The following HCN2 variants were observed in gnomAD, a reference collection of about 807,000 sequenced individuals.
HCN2 encodes hyperpolarization activated cyclic nucleotide gated potassium and sodium channel 2, also known as potassium/sodium hyperpolarization-activated cyclic nucleotide-gated channel 2.
HCN2 carries 20 observed loss-of-function variants against 52.3 expected under a neutral mutation model. The ratio of observed to expected loss-of-function variants is 0.38; its 90% CI spans 0.27 to 0.56. HCN2 has a LOEUF of 0.56. HCN2 is among the 20% of genes least tolerant of loss of function. The probability of loss-of-function intolerance (pLI) is 0.71; values close to 1 mark genes in which losing one functional copy is unlikely to be tolerated. For missense variants in HCN2, 981 were observed against 1,207.7 expected (o/e 0.81, Z 2.78); for synonymous variants, 694 against 537.0 (o/e 1.29, Z -4.04).
At position 608,332 on chromosome 19, in the gene HCN2, G is replaced by T. The variant is rs574280838; in HGVS notation, c.1437+150G>T. 279 of 705,372 alleles carry T rather than the reference G, an allele frequency of 4.0e-4. 2 individuals carry two copies. Among genetic ancestry groups the T allele is most frequent in the African/African-American group, 2.4e-3 (138 of 56,334 alleles). 43.7% of individuals were successfully genotyped at this position (705,372 alleles called of 1,614,324 possible). A position where few individuals can be genotyped will look rare whatever the true frequency, so the allele number is the denominator to read the frequency against. On this transcript the variant is annotated intron_variant, in intron 4 of 7. Transcript: ENST00000251287. ...TGAGGCTGGAGGGAGGCCTTGCCCT[G>T]GGGTCTGAGGGCGGAGGTAGTCCTT... is the stretch of plus-strand genomic sequence containing the variant.
chr19:598,495 G>A (rs1048961383), intron 1 of HCN2, among the ~76,000 whole-genome samples: 3 of 151,946 alleles, frequency 2.0e-5, no homozygotes, highest in African/African-American at 4.8e-5. Context: ...TTGTAGAGAC[G>A]GGATCTCACT....
chr19:604,986 GC>G, intron 2 of HCN2, 74 bp from the exon 3 acceptor site: 1 of 1,475,568 alleles, frequency 6.8e-7, no homozygotes, highest in South Asian at 1.2e-5. Flanking sequence ...CGCAGTGGGG[GC>G]GCACGGGGCT....
At chr19:596,192 G>T (rs760812712) in intron 1 of HCN2, among the ~76,000 whole-genome samples, 2 of 152,258 alleles carry the variant, frequency 1.3e-5, no homozygotes, top group Admixed American at 6.5e-5. Context: ...TGAGCTCGGG[G>T]CAGGAGAATG....
chr19:602,065 C>A (rs1211294624), intron 1 of HCN2, among the ~76,000 whole-genome samples: 3 of 151,458 alleles, frequency 2.0e-5, no homozygotes, highest in African/African-American at 4.9e-5. Flanking sequence ...CTCTGCTTGG[C>A]TTCCCTCCCT....
intron 4 of HCN2, among the ~76,000 whole-genome samples, chr19:609,873 G>A (rs747621252): frequency 2.0e-5 from 3 of 152,154 alleles, no homozygotes; most frequent in Admixed American, 6.5e-5. Flanking sequence ...GCACTCCAGC[G>A]TGGGCCACAG....
chr19:606,628 G>T (rs1012767166), intron 3 of HCN2, among the ~76,000 whole-genome samples: 14 of 148,988 alleles, frequency 9.4e-5, no homozygotes, highest in East Asian at 6.2e-4. Context: ...TGAGGCAGGC[G>T]GATCACCTGA....
At chr19:596,517 C>T (rs1983035454) in intron 1 of HCN2, among the ~76,000 whole-genome samples, 2 of 152,344 alleles carry the variant, frequency 1.3e-5, no homozygotes, top group African/African-American at 2.4e-5. Flanking sequence ...CCCGCGTTTC[C>T]GAGGAAGGGG....
rs190179519 is a variant in HCN2 at position 596,373 on chromosome 19, C to T, written c.632+5796C>T. Among the ~76,000 whole-genome samples the T allele has an allele frequency of 1.7e-3, 252 of 152,170 alleles. 1 individual carries two copies. Among genetic ancestry groups the T allele is most frequent in the African/African-American group, 5.5e-3 (228 of 41,528 alleles). ...AGCCACTCTGGAGTGAGAGGGGGTCCGAGGCTTCTTCCGGTCCCCCAGGTG... is the reference window on the plus strand; with the variant it reads ...AGCCACTCTGGAGTGAGAGGGGGTCTGAGGCTTCTTCCGGTCCCCCAGGTG... On this transcript the variant is annotated intron_variant, in intron 1 of 7. Coordinates refer to ENST00000251287, the MANE Select transcript of HCN2 (RefSeq NM_001194.4).
At position 616,248 on chromosome 19, in the gene HCN2, G is replaced by GCGCGTCGCGCCCACTGTC; in HGVS notation, c.2448_2465dup (p.Arg818_Ser823dup). 1 of 1,008,906 alleles carries GCGCGTCGCGCCCACTGTC rather than the reference G, an allele frequency of 9.9e-7. No homozygotes were observed. The highest frequency in any genetic ancestry group is 1.2e-6 in the Non-Finnish European group (1 of 848,734). 62.5% of individuals were successfully genotyped at this position (1,008,906 alleles called of 1,614,324 possible). A position where few individuals can be genotyped will look rare whatever the true frequency, so the allele number is the denominator to read the frequency against. On this transcript the variant is annotated inframe_insertion, in exon 8 of 8. Transcript: ENST00000251287. Reference sequence around the variant, plus strand: ...GCCCTGCCCGCGCGCCGCCTGAGCCGCGCGTCGCGCCCACTGTCCGCCTCG... The same window carrying GCGCGTCGCGCCCACTGTC: ...GCCCTGCCCGCGCGCCGCCTGAGCCGCGCGTCGCGCCCACTGTCCGCGTCGCGCCCACTGTCCGCCTCG...
intron 1 of HCN2, among the ~76,000 whole-genome samples, chr19:595,018 T>C (rs1029980720): frequency 6.6e-6 from 1 of 151,502 alleles, no homozygotes; most frequent in East Asian, 1.9e-4. Context: ...CTGGGCAACA[T>C]AGCAAGACCC....
At chr19:613,768 T>C in intron 6 of HCN2, 84 bp from the exon 7 acceptor site, 2 of 1,348,122 alleles carry the variant, frequency 1.5e-6, no homozygotes, top group Non-Finnish European at 9.5e-7. Context: ...CTGGCCAAGG[T>C]GCAGAGGCCG....
At position 590,603 on chromosome 19, in the gene HCN2, G is replaced by C. The variant is rs761862454; in HGVS notation, c.632+26G>C. 7.3e-7 allele frequency: 1 copy of C among 1,361,464 alleles called. No individual in the cohort carries two copies. Among genetic ancestry groups the C allele is most frequent in the African/African-American group, 1.5e-5 (1 of 66,800 alleles). The allele number at this position is 1,361,464 out of a possible 1,614,324, so 84.3% of individuals were successfully genotyped here. ...GTACCGCCTCCGGGAGGGCCGGTCG[G>C]CGCGAGGGGGCCCGGGGAGCCGGGC... On this transcript the variant is annotated intron_variant, in intron 1 of 7. Coordinates refer to ENST00000251287, the MANE Select transcript of HCN2 (RefSeq NM_001194.4). This position sits in a 1 kb window ranked among gnomAD's most constrained non-coding sequence, Gnocchi z 7.2.
At chr19:597,308 C>A (rs565374737) in intron 1 of HCN2, among the ~76,000 whole-genome samples, 1 of 152,244 alleles carries the variant, frequency 6.6e-6, no homozygotes. Flanking sequence ...CCTGGGGTCT[C>A]ATCCTGCAGT....
At chr19:613,225 C>A (rs1312797864) in intron 5 of HCN2, 23 bp from the exon 6 acceptor site, 1 of 1,599,542 alleles carries the variant, frequency 6.3e-7, no homozygotes, top group African/African-American at 1.3e-5. Context: ...CGCAGCGGAC[C>A]CAGCCCTGCC....
intron 3 of HCN2, among the ~76,000 whole-genome samples, chr19:607,293 C>G (rs923386246): frequency 6.6e-6 from 1 of 152,268 alleles, no homozygotes; most frequent in Non-Finnish European, 1.5e-5. Flanking sequence ...GGTTAGTGGC[C>G]AGTGAGCCTT....
chr19:603,447 TG>T, intron 1 of HCN2, 96 bp from the exon 2 acceptor site: 1 of 910,028 alleles, frequency 1.1e-6, no homozygotes. Context: ...GCTCGAGGTG[TG>T]GGCGCCCCTC....
intron 1 of HCN2, among the ~76,000 whole-genome samples, chr19:597,384 ATGTC>A (rs1300582229): frequency 6.6e-6 from 1 of 152,194 alleles, no homozygotes; most frequent in African/African-American, 2.4e-5. Flanking sequence ...AAGGGGGAGA[ATGTC>A]TGTTAATCAT....
At chr19:602,445 A>G (rs1653347868) in intron 1 of HCN2, among the ~76,000 whole-genome samples, 1 of 151,250 alleles carries the variant, frequency 6.6e-6, no homozygotes, top group South Asian at 2.1e-4. Context: ...TGGACGCCCC[A>G]CTTCCTCTGG....
At chr19:613,623 G>GGATGATGGGGATGGGGAT (rs1420122417) in intron 6 of HCN2, 135 bp downstream of exon 6, 1 of 170,194 alleles carries the variant, frequency 5.9e-6, no homozygotes, top group Non-Finnish European at 9.9e-6. Context: ...ATGGGGATGG[G>GGATGATGGGGATGGGGAT]GATGGGGATG....
Sources: allele counts gnomAD v4.1 joint callset (sites outside exome capture counted in the v4.1 genomes callset), GRCh38; gene constraint gnomAD v4.1.1; non-coding constraint Gnocchi (gnomAD v3.1); transcripts MANE v1.5; gene names NCBI Gene and HGNC (gene_info 2026-07-23, HGNC 2026-07-21).